SMAD9: variants seen among roughly 807,000 people sequenced by gnomAD.
The protein encoded by SMAD9 is SMAD family member 9, also known as MAD homolog 9.
In SMAD9, 36 loss-of-function variants were observed where a neutral mutation model predicts 46.1. That is an observed-to-expected ratio of 0.78 (90% CI 0.60 to 1.03). The LOEUF is 1.03. SMAD9 is among the 50% of genes least tolerant of loss of function. The pLI, the probability that SMAD9 is intolerant of heterozygous loss-of-function variation, is 0.00. For missense variants in SMAD9, 572 were observed against 599.8 expected (o/e 0.95, Z 0.48); for synonymous variants, 245 against 237.1 (o/e 1.03, Z -0.31).
intron 1 of SMAD9, among the ~76,000 whole-genome samples, chr13:36,908,422 T>C (rs1045004112): frequency 1.3e-5 from 2 of 152,252 alleles, no homozygotes; most frequent in Non-Finnish European, 2.9e-5. Context: ...TTATGCTAAA[T>C]TTTACTAATA....
intron 6 of SMAD9, among the ~76,000 whole-genome samples, chr13:36,850,460 A>T (rs958052420): frequency 6.6e-6 from 1 of 151,996 alleles, no homozygotes. Flanking sequence ...GCTCACTGCA[A>T]CCTCTGCCTC....
intron 1 of SMAD9, among the ~76,000 whole-genome samples, chr13:36,918,419 G>C (rs567035368): frequency 6.6e-6 from 1 of 152,292 alleles, no homozygotes; most frequent in South Asian, 2.1e-4. Context: ...CATAAAAATG[G>C]GAGTTGGTTG....
At chr13:36,915,312 C>G (rs1461368472) in intron 1 of SMAD9, among the ~76,000 whole-genome samples, 1 of 152,218 alleles carries the variant, frequency 6.6e-6, no homozygotes, top group Non-Finnish European at 1.5e-5. Flanking sequence ...AATGAATGGG[C>G]ATCCCTGGCA....
Position 36,845,765 on chromosome 13 carries a change from A to G in SMAD9, c.*2911T>C, listed in dbSNP as rs2058034992. On this transcript the variant is annotated 3_prime_UTR_variant, in exon 7 of 7. Coordinates refer to ENST00000379826, the MANE Select transcript of SMAD9 (RefSeq NM_001127217.3). ...CTGATTAAAATATGATTGTGTTACA[A>G]TGACTAAAGGGTTAACTTCTCATTA... The G allele has an allele frequency of 6.6e-6, 1 of 152,224 alleles. No homozygotes were observed. Among genetic ancestry groups the G allele is most frequent in the Non-Finnish European group, 1.5e-5 (1 of 68,040 alleles). 9.4% of individuals were successfully genotyped at this position (152,224 alleles called of 1,614,324 possible).
chr13:36,883,918 C>T (rs1265520311), intron 1 of SMAD9, among the ~76,000 whole-genome samples: 29 of 152,126 alleles, frequency 1.9e-4, no homozygotes, highest in Admixed American at 1.8e-3. Flanking sequence ...CTCTGGACTT[C>T]ACCCCCTCCT....
chr13:36,884,463 T>G (rs1483219506), intron 1 of SMAD9, among the ~76,000 whole-genome samples: 3 of 152,190 alleles, frequency 2.0e-5, no homozygotes, highest in Non-Finnish European at 4.4e-5. Flanking sequence ...CTTTTTTCTT[T>G]TTCTGGCATT....
At chr13:36,881,186 G>C (rs1237057123) in intron 1 of SMAD9, among the ~76,000 whole-genome samples, 2 of 152,150 alleles carry the variant, frequency 1.3e-5, no homozygotes, top group African/African-American at 4.8e-5. Context: ...AGGTCGAACT[G>C]TATTTCCTCT....
chr13:36,858,871 A>T (rs1264859431), intron 5 of SMAD9, among the ~76,000 whole-genome samples: 1 of 152,094 alleles, frequency 6.6e-6, no homozygotes, highest in Non-Finnish European at 1.5e-5. Flanking sequence ...CGCCATACTC[A>T]GCTAACTTTT....
chr13:36,882,255 G>GTGTA (rs2138515889), intron 1 of SMAD9, among the ~76,000 whole-genome samples: 1 of 143,020 alleles, frequency 7.0e-6, no homozygotes, highest in South Asian at 2.1e-4. Context: ...GTGTGTGTGT[G>GTGTA]TGTGTATGTG....
At chr13:36,866,409 C>A (rs537952247) in intron 4 of SMAD9, among the ~76,000 whole-genome samples, 1 of 151,986 alleles carries the variant, frequency 6.6e-6, no homozygotes, top group East Asian at 1.9e-4. Flanking sequence ...TGTTTTCACA[C>A]CCAACATAAA....
At chr13:36,859,822 TG>T (rs2058162458) in intron 5 of SMAD9, among the ~76,000 whole-genome samples, 1 of 151,876 alleles carries the variant, frequency 6.6e-6, no homozygotes, top group African/African-American at 2.4e-5. Flanking sequence ...TAGGAGGGCA[TG>T]GTGGCACATG....
intron 1 of SMAD9, among the ~76,000 whole-genome samples, chr13:36,910,849 T>A (rs921361446): frequency 2.6e-5 from 4 of 152,140 alleles, no homozygotes; most frequent in African/African-American, 9.7e-5. Context: ...ATTTGGTAAG[T>A]GTTTTCTCCA....
chr13:36,912,064 G>C (rs1215131972), intron 1 of SMAD9, among the ~76,000 whole-genome samples: 1 of 152,188 alleles, frequency 6.6e-6, no homozygotes, highest in Non-Finnish European at 1.5e-5. Context: ...GAGATGGTGT[G>C]TCAACTGCTT....
Position 36,879,692 on chromosome 13 carries a change from G to C in SMAD9, c.-3C>G, listed in dbSNP as rs756639530. On this transcript the variant is annotated 5_prime_UTR_variant, in exon 2 of 7. Coordinates refer to ENST00000379826, the MANE Select transcript of SMAD9 (RefSeq NM_001127217.3). ...CTGATGGGGGTGGTGGAGTGCATAAGAGGCCACAGCAGGCTCCGGCGCGCA... is the reference window on the plus strand; with the variant it reads ...CTGATGGGGGTGGTGGAGTGCATAACAGGCCACAGCAGGCTCCGGCGCGCA... 1 of 1,614,024 alleles carries C rather than the reference G, an allele frequency of 6.2e-7. No individual in the cohort carries two copies. The highest frequency in any genetic ancestry group is 8.5e-7 in the Non-Finnish European group (1 of 1,180,028).
chr13:36,888,398 C>T (rs909377406), intron 1 of SMAD9, among the ~76,000 whole-genome samples: 1 of 152,162 alleles, frequency 6.6e-6, no homozygotes, highest in Admixed American at 6.5e-5. Context: ...GTAAATTTCC[C>T]TTTCGAGGCT....
At chr13:36,920,047 G>A (rs2058731505) in intron 1 of SMAD9, 69 bp downstream of exon 1, 1 of 148,330 alleles carries the variant, frequency 6.7e-6, no homozygotes, top group African/African-American at 2.5e-5. Context: ...CCCCCACCCA[G>A]GTCCGGCGCC....
At chr13:36,855,640 G>A (rs1448412982) in intron 5 of SMAD9, among the ~76,000 whole-genome samples, 2 of 152,140 alleles carry the variant, frequency 1.3e-5, no homozygotes, top group Non-Finnish European at 2.9e-5. Flanking sequence ...TCAGGGCCTC[G>A]TGTGCATGAC....
chr13:36,879,983 TG>T (rs1489139574), intron 1 of SMAD9, 108 bp from the exon 2 acceptor site: 3 of 433,806 alleles, frequency 6.9e-6, no homozygotes, highest in African/African-American at 2.0e-5. Context: ...GCTACTCAAG[TG>T]GGTGAATGGC....
intron 5 of SMAD9, among the ~76,000 whole-genome samples, chr13:36,859,975 A>G (rs558316044): frequency 7.9e-5 from 12 of 152,258 alleles, no homozygotes; most frequent in African/African-American, 2.9e-4. Flanking sequence ...AAAAAAAGAA[A>G]AAAGAAAAAA....
Sources: gnomAD v4.1 joint callset for allele counts (sites outside exome capture counted in the v4.1 genomes callset) on GRCh38, gnomAD v4.1.1 for gene constraint, MANE v1.5 for transcripts, NCBI Gene and HGNC (gene_info 2026-07-23, HGNC 2026-07-21) for gene names.